Variants in COPS7B observed in about 807,000 individuals in gnomAD.
The protein encoded by COPS7B is COP9 signalosome subunit 7B, also known as COP9 signalosome complex subunit 7b.
In COPS7B, 9 loss-of-function variants were observed where a neutral mutation model predicts 33.4. The ratio of observed to expected loss-of-function variants is 0.27; its 90% CI spans 0.16 to 0.47. COPS7B has a LOEUF of 0.47. COPS7B is among the 20% of genes least tolerant of loss of function. The pLI is 0.99. For missense variants in COPS7B, 242 were observed against 318.2 expected (o/e 0.76, Z 1.82); for synonymous variants, 119 against 126.3 (o/e 0.94, Z 0.39).
chr2:231,781,956 G>C, upstream of COPS7B: 1 of 1,467,772 alleles, frequency 6.8e-7, no homozygotes, highest in South Asian at 1.2e-5. Flanking sequence ...TTCAAATCGT[G>C]CTTGTTTGTT....
intron 6 of COPS7B, among the ~76,000 whole-genome samples, chr2:231,802,065 G>A (rs566603580): frequency 6.6e-5 from 10 of 152,246 alleles, no homozygotes; most frequent in Non-Finnish European, 2.9e-5. Context: ...CTGAGCCACC[G>A]CGCCCGGCCT....
chr2:231,781,758 G>GT, upstream of COPS7B: 2 of 1,401,496 alleles, frequency 1.4e-6, no homozygotes, highest in South Asian at 2.5e-5. Context: ...CGCCCGCTGA[G>GT]TTGGTCGTTT....
chr2:231,787,179 G>A (rs2049274789), intron 1 of COPS7B, among the ~76,000 whole-genome samples: 1 of 150,192 alleles, frequency 6.7e-6, no homozygotes, highest in Admixed American at 6.6e-5. Flanking sequence ...TTTCCCTTCC[G>A]TCCTCAAACT....
At chr2:231,793,680 C>G (rs2049485381) in intron 3 of COPS7B, 1 of 152,270 alleles carries the variant, frequency 6.6e-6, no homozygotes, top group African/African-American at 2.4e-5. Context: ...CTCTCCCCTC[C>G]CCTTTCATCT....
chr2:231,804,248 AT>A (rs5839418), intron 6 of COPS7B, among the ~76,000 whole-genome samples: 58,224 of 138,020 alleles, frequency 0.42, 14,205 homozygotes, highest in African/African-American at 0.75. Context: ...GTATAAGCTG[AT>A]TTTTTTTTTT....
chr2:231,791,994 G>A (rs1378715134), intron 3 of COPS7B, 186 bp downstream of exon 3: 3 of 697,880 alleles, frequency 4.3e-6, no homozygotes, highest in Non-Finnish European at 8.0e-6. Context: ...TTATATTCTA[G>A]TGGGTCAAAT....
chr2:231,807,918 T>C lies in COPS7B; in HGVS notation c.*273T>C. On this transcript the variant is annotated 3_prime_UTR_variant, in exon 7 of 7. Coordinates refer to ENST00000350033, the MANE Select transcript of COPS7B (RefSeq NM_022730.4). ...TGCCCAGCTTCCCTCCAGGAGGTTC[T>C]TGTCTCTGTGTAAGGGCTTGTCTCC... 1 of 349,224 alleles carries C rather than the reference T, an allele frequency of 2.9e-6. No individual in the cohort carries two copies. The allele number at this position is 349,224 out of a possible 1,614,324, so 21.6% of individuals were successfully genotyped here. A position where few individuals can be genotyped will look rare whatever the true frequency, so the allele number is the denominator to read the frequency against.
At chr2:231,798,544 T>C (rs1205410862) in intron 5 of COPS7B, among the ~76,000 whole-genome samples, 3 of 152,188 alleles carry the variant, frequency 2.0e-5, no homozygotes, top group African/African-American at 7.2e-5. Context: ...TGGGAGCCAC[T>C]GCACCCGGCC....
chr2:231,804,042 T>C (rs1049327499), intron 6 of COPS7B, among the ~76,000 whole-genome samples: 1 of 152,104 alleles, frequency 6.6e-6, no homozygotes, highest in South Asian at 2.1e-4. Context: ...TGGGCCACTC[T>C]AAAGAGAGAA....
Position 231,796,295 on chromosome 2 carries a change from A to C in COPS7B, c.517A>C (p.Thr173Pro). The change falls in exon 5 of 7, where the codon ACC (threonine) becomes CCC (proline). Residue 173 changes from threonine to proline, a missense_variant. Physicochemically the swap from Thr to Pro is conservative, Grantham distance 38. Coordinates refer to ENST00000350033, the MANE Select transcript of COPS7B (RefSeq NM_022730.4). ...RKKDINNIVK[T>P]LHEWCDGCEA... ...GAAGGATATCAATAATATTGTCAAG[A>C]CCCTGCATGAATGGTGAGGCTAAAA... The C allele has an allele frequency of 6.2e-7, 1 of 1,613,872 alleles. No individual in the cohort carries two copies. The highest frequency in any genetic ancestry group is 1.3e-5 in the African/African-American group (1 of 74,986).
At chr2:231,801,747 C>T (rs921061680) in intron 6 of COPS7B, among the ~76,000 whole-genome samples, 3 of 151,476 alleles carry the variant, frequency 2.0e-5, no homozygotes, top group African/African-American at 7.3e-5. Flanking sequence ...GGATTACAGG[C>T]GTGAGCCACC....
chr2:231,794,069 G>C (rs1056007563), intron 3 of COPS7B, 194 bp from the exon 4 acceptor site: 11 of 531,268 alleles, frequency 2.1e-5, no homozygotes, highest in Non-Finnish European at 3.7e-5. Context: ...TGTGTTTGTA[G>C]AAACTGAGTC....
chr2:231,786,368 G>A (rs985180134), upstream of COPS7B: 3 of 881,246 alleles, frequency 3.4e-6, no homozygotes, highest in African/African-American at 1.8e-5. Flanking sequence ...CCTTGTGTGG[G>A]CGGAACGCGA....
At chr2:231,799,395 G>C (rs145706437) in intron 6 of COPS7B, among the ~76,000 whole-genome samples, 1 of 152,170 alleles carries the variant, frequency 6.6e-6, no homozygotes, top group Non-Finnish European at 1.5e-5. Flanking sequence ...AAGTTGCGTG[G>C]TGGGCACATA....
chr2:231,803,292 G>A (rs147190207), intron 6 of COPS7B, among the ~76,000 whole-genome samples: 2 of 152,236 alleles, frequency 1.3e-5, no homozygotes, highest in East Asian at 1.9e-4. Context: ...GGTAACCCCC[G>A]GGGTGCATGA....
chr2:231,806,982 A>T (rs1188833574), intron 6 of COPS7B, among the ~76,000 whole-genome samples: 1 of 152,222 alleles, frequency 6.6e-6, no homozygotes, highest in Non-Finnish European at 1.5e-5. Context: ...TTGTTAAGTG[A>T]AAGAAAGCTA....
chr2:231,798,739 G>A (rs1488636767), intron 5 of COPS7B, 120 bp from the exon 6 acceptor site: 6 of 708,856 alleles, frequency 8.5e-6, no homozygotes, highest in African/African-American at 1.8e-5. Flanking sequence ...TGTGGCAGAG[G>A]GAGTATTAAA....
At chr2:231,806,054 CCT>C (rs766168135) in intron 6 of COPS7B, among the ~76,000 whole-genome samples, 2 of 151,938 alleles carry the variant, frequency 1.3e-5, no homozygotes, top group Non-Finnish European at 2.9e-5. Context: ...GGCTTTTCCC[CCT>C]GTCTCAAAAT....
intron 6 of COPS7B, among the ~76,000 whole-genome samples, chr2:231,803,438 A>C (rs2049803234): frequency 6.6e-6 from 1 of 152,156 alleles, no homozygotes; most frequent in African/African-American, 2.4e-5. Flanking sequence ...TCAGAACTAG[A>C]GAAAAAACCA....
Sources: allele counts gnomAD v4.1 joint callset (sites outside exome capture counted in the v4.1 genomes callset), GRCh38; gene constraint gnomAD v4.1.1; transcripts MANE v1.5; gene names NCBI Gene and HGNC (gene_info 2026-07-23, HGNC 2026-07-21).